PCDHGB1: variants seen among roughly 807,000 people sequenced by gnomAD.
The protein encoded by PCDHGB1 is protocadherin gamma subfamily B, 1.
Under a neutral mutation model 56.6 loss-of-function variants are expected in PCDHGB1, and 34 were observed. The ratio of observed to expected loss-of-function variants is 0.60; its 90% CI spans 0.46 to 0.80. The LOEUF is 0.80. PCDHGB1 is among the 30% of genes least tolerant of loss of function. PCDHGB1 has a pLI of 0.00. For synonymous variants in PCDHGB1, 561 were observed against 505.9 expected, an observed-to-expected ratio of 1.11 and a Z score of -1.46; for missense variants, 1,278 against 1,204.6, an observed-to-expected ratio of 1.06 and a Z score of -0.90.
In PCDHGB1 at chr5:141,423,305, A is replaced by G. The variant is rs746680027; in HGVS notation, c.2409+70636A>G. On this transcript the variant is annotated intron_variant, in intron 1 of 3. Coordinates refer to ENST00000523390, the MANE Select transcript of PCDHGB1 (RefSeq NM_018922.3). Reference sequence around the variant, plus strand: ...TCTGAAACCTCAGACCTCTCGCTGTACTTGGTGGTGGCGGTGGCCGCAGTC... The same window carrying G: ...TCTGAAACCTCAGACCTCTCGCTGTGCTTGGTGGTGGCGGTGGCCGCAGTC... 23 of 1,613,944 alleles carry G rather than the reference A, an allele frequency of 1.4e-5. No individual in the cohort carries two copies. Among genetic ancestry groups the G allele is most frequent in the Non-Finnish European group, 1.9e-5 (22 of 1,180,004 alleles).
chr5:141,419,651 TC>T, intron 1 of PCDHGB1: 28 of 1,612,632 alleles, frequency 1.7e-5, no homozygotes, highest in Non-Finnish European at 2.3e-5. Flanking sequence ...GGACGCGGAC[TC>T]GGGGCACAAT....
Position 141,400,095 on chromosome 5 carries a change from G to A in PCDHGB1, c.2409+47426G>A, listed in dbSNP as rs6873830. ...CGCCACTCTCCGCCACCGCCACGCT[G>A]CACTTGGTCTTTGCTGACAGCTTGC... On this transcript the variant is annotated intron_variant, in intron 1 of 3. Coordinates refer to ENST00000523390, the MANE Select transcript of PCDHGB1 (RefSeq NM_018922.3). 3.0e-3 allele frequency: 4,838 copies of A among 1,614,064 alleles called. 144 individuals are homozygous for A. The African/African-American group carries it at 0.056, about 19-fold the overall frequency.
intron 1 of PCDHGB1, chr5:141,384,771 C>A (rs568102289): frequency 1.2e-6 from 2 of 1,613,878 alleles, no homozygotes; most frequent in Non-Finnish European, 1.7e-6. Flanking sequence ...TGTACACGGG[C>A]GAGGTGCGCA....
Position 141,372,655 on chromosome 5 carries a change from C to T in PCDHGB1, c.2409+19986C>T, listed in dbSNP as rs1424749894. 2.5e-6 allele frequency: 4 copies of T among 1,613,986 alleles called. No homozygotes were observed. The South Asian group carries it at 3.3e-5, about 13-fold the overall frequency. ...AGGACTTTGCCTTATTCCTACAATC[C>T]GTGTGCTGCCTCACATTCCTCAAAC... On this transcript the variant is annotated intron_variant, in intron 1 of 3. Coordinates refer to ENST00000523390, the MANE Select transcript of PCDHGB1 (RefSeq NM_018922.3).
chr5:141,423,131 A>C (rs370773437), intron 1 of PCDHGB1: 1 of 1,613,538 alleles, frequency 6.2e-7, no homozygotes. Flanking sequence ...GCACTGCTGG[A>C]CAGAGACGCG....
intron 1 of PCDHGB1, chr5:141,392,842 G>A: frequency 6.2e-7 from 1 of 1,609,312 alleles, no homozygotes. Flanking sequence ...CGCCCCAGAC[G>A]CGGCGAGCTG....
chr5:141,403,667 G>T (rs1386561971), intron 1 of PCDHGB1: 8 of 1,613,910 alleles, frequency 5.0e-6, no homozygotes, highest in Non-Finnish European at 6.8e-6. Flanking sequence ...AAATGATAAT[G>T]CCCCGGTTTT....
At position 141,384,373 on chromosome 5, in the gene PCDHGB1, G is replaced by A. The variant is rs916805364; in HGVS notation, c.2409+31704G>A. 27 of 1,613,764 alleles carry A rather than the reference G, an allele frequency of 1.7e-5. No homozygotes were observed. The highest frequency in any genetic ancestry group is 2.1e-5 in the Non-Finnish European group (25 of 1,179,894). ...TAATGCCCAGATCACTTATTCCTTGGCCGAAGACACCATCCAGGGGGCTCC... is the reference window on the plus strand; with the variant it reads ...TAATGCCCAGATCACTTATTCCTTGACCGAAGACACCATCCAGGGGGCTCC... On this transcript the variant is annotated intron_variant, in intron 1 of 3. Coordinates refer to ENST00000523390, the MANE Select transcript of PCDHGB1 (RefSeq NM_018922.3).
At chr5:141,428,102 G>A (rs774075619) in intron 1 of PCDHGB1, 1 of 1,608,518 alleles carries the variant, frequency 6.2e-7, no homozygotes, top group Non-Finnish European at 8.5e-7. Context: ...CCTACCACGT[G>A]CTGCAGGCCA....
chr5:141,466,928 T>TTAG (rs1231908662), intron 1 of PCDHGB1, among the ~76,000 whole-genome samples: 1 of 152,220 alleles, frequency 6.6e-6, no homozygotes, highest in Non-Finnish European at 1.5e-5. Context: ...ATTAGGAATA[T>TTAG]TAGTCCTTTG....
intron 1 of PCDHGB1, chr5:141,385,033 C>T (rs749144502): frequency 1.2e-6 from 2 of 1,614,182 alleles, no homozygotes; most frequent in East Asian, 2.2e-5. Context: ...CCTCGTACTG[C>T]TGGCGCTCAG....
chr5:141,421,379 AGGACCTGGGGCT>A, intron 1 of PCDHGB1: 1 of 1,614,054 alleles, frequency 6.2e-7, no homozygotes, highest in South Asian at 1.1e-5. Context: ...AATATCTCCA[AGGACCTGGGGCT>A]GGAGCCCCGG....
At chr5:141,460,961 ATGTGTG>A (rs35821115) in intron 1 of PCDHGB1, among the ~76,000 whole-genome samples, 6 of 144,616 alleles carry the variant, frequency 4.1e-5, no homozygotes, top group South Asian at 4.4e-4. Flanking sequence ...GTATATATAT[ATGTGTG>A]TGTGTGTGTG....
Position 141,489,424 on chromosome 5 carries a change from C to T in PCDHGB1, c.2410-5383C>T, listed in dbSNP as rs758049228. The T allele has an allele frequency of 5.0e-5, 80 of 1,613,958 alleles. No homozygotes were observed. In the Admixed American group the frequency reaches 1.1e-3, roughly 23 times the overall value. On this transcript the variant is annotated intron_variant, in intron 1 of 3. Coordinates refer to ENST00000523390, the MANE Select transcript of PCDHGB1 (RefSeq NM_018922.3). The surrounding 1 kb of genome is among the most constrained non-coding windows in gnomAD (Gnocchi z 4.5). ...CTTAAAGATGACAGATCTGTTGAGC[C>T]GGCGGCTGCAATTGGGCTCTGAGGA...
At chr5:141,366,918 A>G in intron 1 of PCDHGB1, 1 of 1,091,754 alleles carries the variant, frequency 9.2e-7, no homozygotes, top group Non-Finnish European at 1.3e-6. Context: ...TTTGTTTTCA[A>G]ATTCTGTTTT....
At chr5:141,421,473 C>G (rs907282414) in intron 1 of PCDHGB1, 14 of 1,614,112 alleles carry the variant, frequency 8.7e-6, no homozygotes, top group African/African-American at 1.3e-5. Flanking sequence ...ATCCGCGAAG[C>G]GGCAGCTTGA....
Position 141,384,133 on chromosome 5 carries a change from C to G in PCDHGB1, c.2409+31464C>G, listed in dbSNP as rs770731491. The G allele has an allele frequency of 1.7e-5, 27 of 1,611,570 alleles. No homozygotes were observed. The highest frequency in any genetic ancestry group is 2.2e-5 in the Non-Finnish European group (26 of 1,178,832). ...ATTGGTCACAACCAAAAACTTGGACCGGGAAACACTCTCTTTGTATAACAT... is the reference window on the plus strand; with the variant it reads ...ATTGGTCACAACCAAAAACTTGGACGGGGAAACACTCTCTTTGTATAACAT... On this transcript the variant is annotated intron_variant, in intron 1 of 3. Coordinates refer to ENST00000523390, the MANE Select transcript of PCDHGB1 (RefSeq NM_018922.3).
At position 141,490,456 on chromosome 5, in the gene PCDHGB1, C is replaced by G. The variant is rs370141879; in HGVS notation, c.2410-4351C>G. On this transcript the variant is annotated intron_variant, in intron 1 of 3. Transcript: ENST00000523390. The surrounding 1 kb of genome is among the most constrained non-coding windows in gnomAD (Gnocchi z 5.4). The stretch of plus-strand genomic sequence containing the variant: ...TAAGCCTTCTGAGAACCACTACTCG[C>G]TGCTAACCAGCCAGCCTTTGGACCG... 3.7e-6 allele frequency: 6 copies of G among 1,614,114 alleles called. No individual in the cohort carries two copies. Among genetic ancestry groups the G allele is most frequent in the Non-Finnish European group, 5.1e-6 (6 of 1,180,058 alleles).
Position 141,394,139 on chromosome 5 carries a change from G to A in PCDHGB1, c.2409+41470G>A, listed in dbSNP as rs780148099. 1.7e-5 allele frequency: 27 copies of A among 1,613,788 alleles called. No individual in the cohort carries two copies. The African/African-American group carries it at 3.5e-4, about 21-fold the overall frequency. On this transcript the variant is annotated intron_variant, in intron 1 of 3. Coordinates refer to ENST00000523390, the MANE Select transcript of PCDHGB1 (RefSeq NM_018922.3). ...CTGAAACTCAAATCGCTCTGCACGTGGCAGACATTAACGACAACCCTCCTA... is the reference window on the plus strand; with the variant it reads ...CTGAAACTCAAATCGCTCTGCACGTAGCAGACATTAACGACAACCCTCCTA...
Sources: gnomAD v4.1 joint callset for allele counts (sites outside exome capture counted in the v4.1 genomes callset) on GRCh38, gnomAD v4.1.1 for gene constraint, Gnocchi (gnomAD v3.1) non-coding constraint, MANE v1.5 for transcripts, NCBI Gene and HGNC (gene_info 2026-07-23, HGNC 2026-07-21) for gene names.